Variants in SCO2 observed in about 807,000 individuals in gnomAD.
SCO2 encodes synthesis of cytochrome C oxidase 2, also known as cytochrome c oxidase assembly factor SCO2.
For synonymous variants in SCO2, 195 were observed against 148.6 expected, an observed-to-expected ratio of 1.31 and a Z score of -2.27; for missense variants, 429 against 348.7, an observed-to-expected ratio of 1.23 and a Z score of -1.83.
rs764842906 is a variant in SCO2 at position 50,523,906 on chromosome 22, G to A, written c.506C>T (p.Pro169Leu). ...CATGGCTTCAACGTCGTCCCGCTCG[G>A]GGTCCACAGTGATGAAGACAGGCTG... is the stretch of plus-strand genomic sequence containing the variant. Reference protein sequence around the residue: ...PVQPVFITVDPERDDVEAMAR... With the variant: ...PVQPVFITVDLERDDVEAMAR... The change falls in exon 2 of 2, where the codon CCC (proline) becomes CTC (leucine). Residue 169 changes from proline to leucine, a missense_variant. Transcript: ENST00000395693. The A allele has an allele frequency of 6.2e-7, 1 of 1,613,752 alleles. No individual in the cohort carries two copies. Among genetic ancestry groups the A allele is most frequent in the Non-Finnish European group, 8.5e-7 (1 of 1,179,946 alleles).
At chr22:50,526,184 G>A (rs370381744), upstream of SCO2, 467 of 1,472,438 alleles carry the variant, frequency 3.2e-4, no homozygotes, top group Non-Finnish European at 4.0e-4. Flanking sequence ...GGGAAGGGGC[G>A]GGGCCTCGGG....
chr22:50,525,001 TCACATCCA>T (rs2148674224), intron 1 of SCO2, among the ~76,000 whole-genome samples: 1 of 152,186 alleles, frequency 6.6e-6, no homozygotes, highest in Admixed American at 6.5e-5. Flanking sequence ...CCCACCCTCC[TCACATCCA>T]GGCTTCCCAG....
At chr22:50,525,703 C>T, upstream of SCO2, 2 of 1,568,422 alleles carry the variant, frequency 1.3e-6, no homozygotes, top group Non-Finnish European at 1.7e-6. Context: ...AGACGGCCCC[C>T]GCCTCCGCAG....
chr22:50,524,314 A>G lies in SCO2; in HGVS notation c.98T>C (p.Leu33Pro), dbSNP rs1465013378. 3.7e-6 allele frequency: 6 copies of G among 1,602,122 alleles called. No homozygotes were observed. In the South Asian group the frequency reaches 5.5e-5, roughly 15 times the overall value. The change falls in exon 2 of 2, where the codon CTG becomes CCG. Residue 33 changes from leucine to proline, a missense_variant. Physicochemically the swap from Leu to Pro is moderately conservative, Grantham distance 98. Coordinates refer to ENST00000395693, the MANE Select transcript of SCO2 (RefSeq NM_005138.3). ...PGTLGGQALH[L>P]RSWLLSRQGP... ...CTGCCTTGACAAAAGCCAGGACCTC[A>G]GATGCAGGGCCTGGCCTCCCAGGGT... is the stretch of plus-strand genomic sequence containing the variant.
intron 1 of SCO2, among the ~76,000 whole-genome samples, chr22:50,525,189 G>A (rs1221656337): frequency 4.6e-5 from 7 of 152,226 alleles, no homozygotes; most frequent in Non-Finnish European, 7.4e-5. Context: ...CCGCCCGGGC[G>A]GTTCTGGGTT....
chr22:50,525,608 G>A, upstream of SCO2: 1 of 1,103,306 alleles, frequency 9.1e-7, no homozygotes, highest in Non-Finnish European at 1.3e-6. Flanking sequence ...CCCCGGAGCT[G>A]CGCATGCGCA....
At position 50,525,547 on chromosome 22, in the gene SCO2, G is replaced by C. The variant is rs1468989922; in HGVS notation, c.-89C>G. ...CCTCCAGCTCCCTGCGCTCTGCCCC[G>C]CCGGCTCAGGGAAAGCGGGCGCCAC... On this transcript the variant is annotated 5_prime_UTR_variant, in exon 1 of 2. Coordinates refer to ENST00000395693, the MANE Select transcript of SCO2 (RefSeq NM_005138.3). The C allele has an allele frequency of 1.1e-5, 7 of 657,480 alleles. No homozygotes were observed. Among genetic ancestry groups the C allele is most frequent in the Non-Finnish European group, 1.8e-5 (7 of 393,678 alleles). 40.7% of individuals were successfully genotyped at this position (657,480 alleles called of 1,614,324 possible). A position where few individuals can be genotyped will look rare whatever the true frequency, so the allele number is the denominator to read the frequency against.
At position 50,524,058 on chromosome 22, in the gene SCO2, G is replaced by A; in HGVS notation, c.354C>T (p.Asp118=). ...ACATCAGCACCCACTGGCCCCGGAA[G>A]TCAGCCTTGCAGCGAGCCCGGCCTC... ...DHRGRARCKA[D]FRGQWVLMYF... is the part of the protein sequence containing the mutation. The change falls in exon 2 of 2, where the codon GAC becomes GAT. Residue 118 remains aspartate (D), a synonymous_variant. Transcript: ENST00000395693. 6.2e-7 allele frequency: 1 copy of A among 1,613,396 alleles called. No homozygotes were observed. The highest frequency in any genetic ancestry group is 8.5e-7 in the Non-Finnish European group (1 of 1,180,030).
At chr22:50,526,369 T>G (rs971962978), upstream of SCO2, 4 of 1,542,230 alleles carry the variant, frequency 2.6e-6, no homozygotes, top group Non-Finnish European at 3.5e-6. Flanking sequence ...GCCGCCAGCA[T>G]CCGCTCGAAG....
Position 50,523,638 on chromosome 22 carries a change from C to T in SCO2, c.774G>A (p.Met258Ile). The T allele has an allele frequency of 1.2e-6, 2 of 1,613,806 alleles. No individual in the cohort carries two copies. The highest frequency in any genetic ancestry group is 2.2e-5 in the East Asian group (1 of 44,888). The change falls in exon 2 of 2, where the codon ATG becomes ATA. Residue 258 changes from methionine to isoleucine, a missense_variant. By Grantham distance (10) the Met-to-Ile change is conservative. Transcript: ENST00000395693. ...EQISDSVRRH[M>I]AAFRSVLS The stretch of plus-strand genomic sequence containing the variant: ...AAGACAGGACACTGCGGAAAGCCGC[C>T]ATGTGCCGCCGCACACTGTCTGAGA...
At chr22:50,526,087 C>T, upstream of SCO2, 1 of 1,486,458 alleles carries the variant, frequency 6.7e-7, no homozygotes. Flanking sequence ...GCGCCCGGCC[C>T]CGAGCTCGTG....
chr22:50,526,201 A>AG, upstream of SCO2: 1 of 1,486,556 alleles, frequency 6.7e-7, no homozygotes, highest in Non-Finnish European at 8.9e-7. Context: ...CGGGAAGGGA[A>AG]GGGGATGGCG....
chr22:50,525,373 C>T (rs1057043148), intron 1 of SCO2, 99 bp downstream of exon 1: 29 of 287,102 alleles, frequency 1.0e-4, no homozygotes, highest in South Asian at 7.7e-4. Flanking sequence ...CTGGGGTGTG[C>T]CCCGCCAGCC....
upstream of SCO2, chr22:50,526,332 C>A: frequency 1.3e-6 from 2 of 1,559,818 alleles, no homozygotes; most frequent in Non-Finnish European, 1.7e-6. Context: ...GCACAGGGCT[C>A]GGGCCAGACC....
chr22:50,524,347 A>C lies in SCO2; in HGVS notation c.65T>G (p.Leu22Arg). The change falls in exon 2 of 2, where the codon CTC becomes CGC. Residue 22 changes from leucine (L) to arginine (R), a missense_variant. Leu to Arg is a moderately radical substitution (Grantham distance 102). Coordinates refer to ENST00000395693, the MANE Select transcript of SCO2 (RefSeq NM_005138.3). ...HRLSQLKPRVLPGTLGGQALH... is the reference protein window; with the variant it reads ...HRLSQLKPRVRPGTLGGQALH... ...GGCCTGGCCTCCCAGGGTCCCAGGG[A>C]GGACCCGAGGCTTGAGCTGAGAGAG... 1 of 1,601,902 alleles carries C rather than the reference A, an allele frequency of 6.2e-7. No homozygotes were observed. Among genetic ancestry groups the C allele is most frequent in the South Asian group, 1.1e-5 (1 of 91,068 alleles).
chr22:50,525,595 C>A lies in SCO2; in HGVS notation c.-137G>T, dbSNP rs2069314890. 3.1e-6 allele frequency: 3 copies of A among 969,604 alleles called. No individual in the cohort carries two copies. Among genetic ancestry groups the A allele is most frequent in the Admixed American group, 2.1e-5 (1 of 47,114 alleles). The allele number at this position is 969,604 out of a possible 1,614,324, so 60.1% of individuals were successfully genotyped here. ...CACACGCTCACAGGCAGGGCGCAGG[C>A]GTCCCCGGAGCTGCGCATGCGCACA... On this transcript the variant is annotated 5_prime_UTR_variant, in exon 1 of 2. Coordinates refer to ENST00000395693, the MANE Select transcript of SCO2 (RefSeq NM_005138.3).
At chr22:50,525,637 CA>C, upstream of SCO2, 1 of 1,358,452 alleles carries the variant, frequency 7.4e-7, no homozygotes, top group Non-Finnish European at 1.0e-6. Context: ...CAGCCGCTGA[CA>C]GGCTCTCAGC....
At position 50,523,682 on chromosome 22, in the gene SCO2, T is replaced by C; in HGVS notation, c.730A>G (p.Ser244Gly). ...DGLFTDYYGR[S>G]RSAEQISDSV... ...TCTGAGATCTGCTCAGCCGATCTGCTCCGGCCGTAGTAATCCGTGAAGAGG... is the reference window on the plus strand; with the variant it reads ...TCTGAGATCTGCTCAGCCGATCTGCCCCGGCCGTAGTAATCCGTGAAGAGG... The change falls in exon 2 of 2, where the codon AGC becomes GGC. Residue 244 changes from serine to glycine, a missense_variant. Ser to Gly is a moderately conservative substitution (Grantham distance 56). Transcript: ENST00000395693. 1 of 1,614,104 alleles carries C rather than the reference T, an allele frequency of 6.2e-7. No individual in the cohort carries two copies. Among genetic ancestry groups the C allele is most frequent in the African/African-American group, 1.3e-5 (1 of 75,050 alleles).
chr22:50,525,133 C>G (rs1043017077), intron 1 of SCO2, among the ~76,000 whole-genome samples: 1 of 152,258 alleles, frequency 6.6e-6, no homozygotes, highest in African/African-American at 2.4e-5. Flanking sequence ...CTCCCGGTCA[C>G]TGCCCCCTCC....
Sources: allele counts gnomAD v4.1 joint callset (sites outside exome capture counted in the v4.1 genomes callset), GRCh38; gene constraint gnomAD v4.1.1; transcripts MANE v1.5; gene names NCBI Gene and HGNC (gene_info 2026-07-23, HGNC 2026-07-21).